Variants in IL1RAPL2 observed in about 807,000 individuals in gnomAD.
The protein encoded by IL1RAPL2 is interleukin 1 receptor accessory protein like 2, also known as X-linked interleukin-1 receptor accessory protein-like 2.
Under a neutral mutation model 44.1 loss-of-function variants are expected in IL1RAPL2, and 3 were observed. The ratio of observed to expected loss-of-function variants is 0.07; its 90% CI spans 0.03 to 0.18. IL1RAPL2 has a LOEUF of 0.18. Ranked by LOEUF, IL1RAPL2 falls within the 10% of genes least tolerant of loss-of-function variation. The probability of loss-of-function intolerance (pLI) is 1.00; values close to 1 mark genes in which losing one functional copy is unlikely to be tolerated. For missense variants in IL1RAPL2, 391 were observed against 496.4 expected (o/e 0.79, Z 2.02); for synonymous variants, 181 against 178.8 (o/e 1.01, Z -0.10).
chrX:105,123,578 T>C (rs990908776), intron 2 of IL1RAPL2, among the ~76,000 whole-genome samples: 2 of 111,494 alleles, frequency 1.8e-5, no homozygotes, highest in African/African-American at 6.5e-5. Context: ...AATTGGTAGA[T>C]TGATGATCTG....
intron 5 of IL1RAPL2, among the ~76,000 whole-genome samples, chrX:105,420,260 T>C (rs1355874897): frequency 8.9e-6 from 1 of 112,018 alleles, no homozygotes; most frequent in Non-Finnish European, 1.9e-5. Flanking sequence ...TACTAAGTAC[T>C]GTCACCACAA....
At chrX:105,434,234 G>A (rs1349918211) in intron 5 of IL1RAPL2, among the ~76,000 whole-genome samples, 2 of 112,013 alleles carry the variant, frequency 1.8e-5, no homozygotes, top group Non-Finnish European at 3.8e-5. Context: ...ACCAAGTGCT[G>A]ACAAGGATGT....
intron 2 of IL1RAPL2, among the ~76,000 whole-genome samples, chrX:104,664,371 A>G (rs766142513): frequency 2.6e-3 from 282 of 109,947 alleles, no homozygotes; most frequent in South Asian, 0.01. Flanking sequence ...AATGCCTTGA[A>G]CTCTGATCTC....
chrX:104,803,530 T>C (rs1483890092), intron 2 of IL1RAPL2, among the ~76,000 whole-genome samples: 1 of 112,214 alleles, frequency 8.9e-6, no homozygotes, highest in Non-Finnish European at 1.9e-5. Flanking sequence ...AAGTCAACAT[T>C]TGAGGTGTTT....
intron 2 of IL1RAPL2, among the ~76,000 whole-genome samples, chrX:105,157,216 A>T (rs1306049735): frequency 9.0e-6 from 1 of 110,673 alleles, no homozygotes; most frequent in African/African-American, 3.3e-5. Flanking sequence ...CCTCATAGAA[A>T]TTGGAATGGG....
intron 1 of IL1RAPL2, among the ~76,000 whole-genome samples, chrX:104,620,599 C>T (rs1929371536): frequency 1.2e-5 from 1 of 85,675 alleles, no homozygotes; most frequent in African/African-American, 4.5e-5. Flanking sequence ...GAGTTCGCAC[C>T]ACTGCATTCC....
At chrX:105,495,095 G>A (rs1207082566) in intron 6 of IL1RAPL2, among the ~76,000 whole-genome samples, 1 of 112,357 alleles carries the variant, frequency 8.9e-6, no homozygotes, top group African/African-American at 3.2e-5. Context: ...AATGGATACT[G>A]AAAGATCAAA....
At chrX:105,254,962 A>G (rs1181902579) in intron 4 of IL1RAPL2, among the ~76,000 whole-genome samples, 1 of 111,728 alleles carries the variant, frequency 9.0e-6, no homozygotes. Flanking sequence ...GTACCCCTGT[A>G]GTATAGTTTC....
intron 2 of IL1RAPL2, among the ~76,000 whole-genome samples, chrX:104,902,151 C>G (rs777980946): frequency 8.9e-6 from 1 of 111,758 alleles, no homozygotes; most frequent in Non-Finnish European, 1.9e-5. Flanking sequence ...CTGGTATGAA[C>G]GTTATGGAAG....
intron 2 of IL1RAPL2, among the ~76,000 whole-genome samples, chrX:105,009,968 A>T (rs908460006): frequency 9.0e-6 from 1 of 110,684 alleles, no homozygotes; most frequent in African/African-American, 3.3e-5. Context: ...ATAACTTTTT[A>T]ATTAATTTTT....
At chrX:105,763,238 T>C (rs1254471911) in intron 10 of IL1RAPL2, among the ~76,000 whole-genome samples, 1 of 111,691 alleles carries the variant, frequency 9.0e-6, no homozygotes, top group African/African-American at 3.3e-5. Context: ...AATATATAAA[T>C]CATTCTTAGC....
chrX:105,075,253 G>T (rs754146621), intron 2 of IL1RAPL2, among the ~76,000 whole-genome samples: 1 of 111,681 alleles, frequency 9.0e-6, no homozygotes, highest in Non-Finnish European at 1.9e-5. Context: ...TAGCATGAAG[G>T]GTTGTTGAAT....
chrX:105,405,596 G>C, intron 5 of IL1RAPL2: 1 of 955,816 alleles, frequency 1.0e-6, no homozygotes, highest in South Asian at 2.0e-5. Context: ...GGTGGGAGGA[G>C]GACCAGGTGG....
intron 2 of IL1RAPL2, among the ~76,000 whole-genome samples, chrX:105,043,334 G>C (rs909977741): frequency 4.8e-4 from 53 of 110,489 alleles, no homozygotes; most frequent in Non-Finnish European, 9.1e-4. Flanking sequence ...CCACTCCAAG[G>C]ACTGAGGGGA....
At chrX:104,870,293 A>G (rs1479865809) in intron 2 of IL1RAPL2, among the ~76,000 whole-genome samples, 1 of 112,498 alleles carries the variant, frequency 8.9e-6, no homozygotes, top group Non-Finnish European at 1.9e-5. Flanking sequence ...GTTGAAAAAC[A>G]TAATAAGCTT....
chrX:104,688,066 T>A (rs1467955959), intron 2 of IL1RAPL2, among the ~76,000 whole-genome samples: 2 of 112,037 alleles, frequency 1.8e-5, no homozygotes, highest in Non-Finnish European at 3.8e-5. Context: ...ACCATGCCCA[T>A]CTCTCCCCGC....
At chrX:105,405,565 G>A in intron 5 of IL1RAPL2, 1 of 688,540 alleles carries the variant, frequency 1.5e-6, no homozygotes, top group Non-Finnish European at 2.3e-6. Context: ...TGGAGGGAGG[G>A]GAAGGGCGAG....
intron 2 of IL1RAPL2, among the ~76,000 whole-genome samples, chrX:105,019,243 TTTTTC>T (rs968103862): frequency 8.9e-6 from 1 of 111,818 alleles, no homozygotes; most frequent in African/African-American, 3.2e-5. Context: ...CAGAATATAT[TTTTTC>T]TTTTCTTCCT....
At chrX:104,773,780 A>G (rs73245705) in intron 2 of IL1RAPL2, among the ~76,000 whole-genome samples, 3,420 of 112,108 alleles carry the variant, frequency 0.031, 56 homozygotes, top group Middle Eastern at 0.078. Flanking sequence ...AGAATGAGGG[A>G]TGAGATCTTT....
Sources: allele counts gnomAD v4.1 joint callset (sites outside exome capture counted in the v4.1 genomes callset), GRCh38; gene constraint gnomAD v4.1.1; transcripts MANE v1.5; gene names NCBI Gene and HGNC (gene_info 2026-07-23, HGNC 2026-07-21).